The following DCDC1 variants were observed in gnomAD, a reference collection of about 807,000 sequenced individuals.
DCDC1 encodes the protein doublecortin domain-containing protein 1.
A neutral mutation model predicts 178.3 loss-of-function variants in DCDC1; 200 were observed. The ratio of observed to expected loss-of-function variants is 1.12; its 90% CI spans 1.00 to 1.26. The LOEUF is 1.26. Ranked by LOEUF, DCDC1 falls within the 50% of genes most tolerant of loss-of-function variation. The pLI, the probability that DCDC1 is intolerant of heterozygous loss-of-function variation, is 0.00. For missense variants in DCDC1, 1,983 were observed against 1,749.2 expected (o/e 1.13, Z -2.38); for synonymous variants, 690 against 604.8 (o/e 1.14, Z -2.07).
At chr11:31,046,668 T>C (rs1954863884) in intron 20 of DCDC1, among the ~76,000 whole-genome samples, 1 of 149,932 alleles carries the variant, frequency 6.7e-6, no homozygotes, top group African/African-American at 2.4e-5. Context: ...AAAAAAAAAT[T>C]CTGGTTGCTT....
At chr11:31,286,418 A>G (rs1210750362) in intron 7 of DCDC1, among the ~76,000 whole-genome samples, 1 of 152,062 alleles carries the variant, frequency 6.6e-6, no homozygotes, top group East Asian at 1.9e-4. Flanking sequence ...ATATTATTAT[A>G]TAGCACAAAT....
chr11:31,177,734 A>G (rs1439464449), intron 9 of DCDC1, among the ~76,000 whole-genome samples: 1 of 152,176 alleles, frequency 6.6e-6, no homozygotes, highest in Non-Finnish European at 1.5e-5. Context: ...TTCTTATACC[A>G]GATAAGATAG....
intron 7 of DCDC1, among the ~76,000 whole-genome samples, chr11:31,281,467 T>C (rs1331895435): frequency 6.6e-6 from 1 of 152,068 alleles, no homozygotes; most frequent in African/African-American, 2.4e-5. Flanking sequence ...TTTTAATAAG[T>C]GAATATTAAA....
intron 18 of DCDC1, among the ~76,000 whole-genome samples, chr11:31,076,882 G>C (rs1456559775): frequency 6.6e-6 from 1 of 152,008 alleles, no homozygotes; most frequent in East Asian, 1.9e-4. Flanking sequence ...GATCACAGAG[G>C]AACTCACTCT....
chr11:31,321,319 T>C (rs1467579513), intron 3 of DCDC1, among the ~76,000 whole-genome samples: 3 of 117,770 alleles, frequency 2.5e-5, no homozygotes, highest in East Asian at 2.5e-4. Flanking sequence ...TCCGTGGGCG[T>C]AGGACCCTCT....
intron 9 of DCDC1, among the ~76,000 whole-genome samples, chr11:31,172,050 T>G (rs1210706652): frequency 6.6e-6 from 1 of 152,176 alleles, no homozygotes; most frequent in Non-Finnish European, 1.5e-5. Flanking sequence ...AACAAGTGAT[T>G]GAATGAAAAA....
intron 3 of DCDC1, among the ~76,000 whole-genome samples, chr11:31,322,197 C>T (rs933584972): frequency 2.6e-5 from 4 of 152,012 alleles, no homozygotes; most frequent in Non-Finnish European, 2.9e-5. Flanking sequence ...AATCAGTGGT[C>T]GATATGCAGG....
chr11:31,013,965 ACTCAAAGATCCCTGC>A (rs1952325001), intron 20 of DCDC1, among the ~76,000 whole-genome samples: 1 of 152,122 alleles, frequency 6.6e-6, no homozygotes, highest in Non-Finnish European at 1.5e-5. Context: ...CTAATATAGC[ACTCAAAGATCCCTGC>A]CTCCTGGCAT....
At chr11:31,272,924 T>C (rs1945679015) in intron 7 of DCDC1, among the ~76,000 whole-genome samples, 1 of 152,108 alleles carries the variant, frequency 6.6e-6, no homozygotes, top group Non-Finnish European at 1.5e-5. Flanking sequence ...GTGTAGGGAC[T>C]CACAAGCTGC....
chr11:31,226,694 C>A (rs1207171892), intron 9 of DCDC1, among the ~76,000 whole-genome samples: 3 of 138,182 alleles, frequency 2.2e-5, no homozygotes, highest in Non-Finnish European at 1.5e-5. Context: ...CTCAAAAAAG[C>A]AAGATCTCAT....
At chr11:31,322,917 G>T (rs1341257419) in intron 3 of DCDC1, among the ~76,000 whole-genome samples, 2 of 152,084 alleles carry the variant, frequency 1.3e-5, no homozygotes, top group Non-Finnish European at 2.9e-5. Context: ...TAAATGTAAT[G>T]GACATGTAGT....
intron 7 of DCDC1, 74 bp from the exon 8 acceptor site, chr11:31,265,674 T>C: frequency 5.5e-6 from 3 of 549,980 alleles, no homozygotes; most frequent in Non-Finnish European, 8.6e-6. Flanking sequence ...CTCTTTTCTA[T>C]ACTACACAGC....
intron 22 of DCDC1, among the ~76,000 whole-genome samples, chr11:30,931,273 T>C (rs554030119): frequency 2.0e-5 from 3 of 152,230 alleles, no homozygotes; most frequent in South Asian, 2.1e-4. Flanking sequence ...ATAAATGTTT[T>C]TCTAGGGTGA....
chr11:31,234,254 G>A (rs1237295343), intron 9 of DCDC1, among the ~76,000 whole-genome samples: 4 of 152,146 alleles, frequency 2.6e-5, no homozygotes, highest in Non-Finnish European at 5.9e-5. Context: ...ACATAATTGA[G>A]AAAGTTTTAT....
At chr11:31,362,684 T>G (rs1370806234) in intron 1 of DCDC1, among the ~76,000 whole-genome samples, 1 of 152,178 alleles carries the variant, frequency 6.6e-6, no homozygotes, top group Non-Finnish European at 1.5e-5. Context: ...ACTAGAGTCA[T>G]GGTGCTTCTA....
rs145266430 is a variant in DCDC1, at chr11:31,322,234, G to A, written c.164+5883C>T. On this transcript the variant is annotated intron_variant, in intron 3 of 38. Transcript: ENST00000684477. The stretch of plus-strand genomic sequence containing the variant: ...ATTATTCTTTGATAATTATGACAGC[G>A]TGCAAAAATGTATCCAAATACCACT... Among the ~76,000 whole-genome samples the A allele has an allele frequency of 9.7e-4, 148 of 152,216 alleles. 1 individual carries two copies. Among genetic ancestry groups the A allele is most frequent in the African/African-American group, 2.2e-3 (91 of 41,538 alleles).
intron 7 of DCDC1, among the ~76,000 whole-genome samples, chr11:31,267,399 T>G (rs1304153681): frequency 2.6e-5 from 4 of 152,100 alleles, no homozygotes; most frequent in Non-Finnish European, 5.9e-5. Flanking sequence ...TCCATGTTGA[T>G]CAGGCTGCTC....
chr11:31,017,212 G>C (rs1433657677), intron 20 of DCDC1, among the ~76,000 whole-genome samples: 1 of 152,120 alleles, frequency 6.6e-6, no homozygotes, highest in East Asian at 1.9e-4. Context: ...TGAGCTTTGA[G>C]GGTCCACTTA....
chr11:31,213,364 A>T (rs934362088), intron 9 of DCDC1, among the ~76,000 whole-genome samples: 1 of 151,800 alleles, frequency 6.6e-6, no homozygotes, highest in Admixed American at 6.6e-5. Flanking sequence ...TCTATTTATC[A>T]ATTTGTTTAA....
Sources: allele counts gnomAD v4.1 joint callset (sites outside exome capture counted in the v4.1 genomes callset), GRCh38; gene constraint gnomAD v4.1.1; transcripts MANE v1.5; gene names NCBI Gene and HGNC (gene_info 2026-07-23, HGNC 2026-07-21).